The following FHL5 variants were observed in gnomAD, a reference collection of about 807,000 sequenced individuals.
FHL5 encodes the protein four and a half LIM domains 5, also known as four and a half LIM domains protein 5.
Under a neutral mutation model 32.0 loss-of-function variants are expected in FHL5, and 33 were observed. That is an observed-to-expected ratio of 1.03 (90% CI 0.78 to 1.38). The LOEUF is 1.38. Ranked by LOEUF, FHL5 falls within the 40% of genes most tolerant of loss-of-function variation. The pLI is 0.00. For synonymous variants in FHL5, 114 were observed against 113.6 expected, an observed-to-expected ratio of 1.00 and a Z score of -0.02; for missense variants, 336 against 343.9, an observed-to-expected ratio of 0.98 and a Z score of 0.18.
chr6:96,574,675 C>T (rs1373189978), intron 1 of FHL5, among the ~76,000 whole-genome samples: 3 of 152,048 alleles, frequency 2.0e-5, no homozygotes, highest in African/African-American at 7.2e-5. Context: ...TGAACATATG[C>T]ATTCATATAT....
At chr6:96,612,443 A>T (rs9386666) in intron 5 of FHL5, among the ~76,000 whole-genome samples, 17,401 of 152,226 alleles carry the variant, frequency 0.11, 1,046 homozygotes, top group East Asian at 0.26. Context: ...GGAGATCCAG[A>T]TGGCTAATAC....
chr6:96,577,669 TA>T (rs1770611002), intron 1 of FHL5, among the ~76,000 whole-genome samples: 1 of 152,210 alleles, frequency 6.6e-6, no homozygotes, highest in African/African-American at 2.4e-5. Context: ...AGCTTGGTTT[TA>T]GGCATGGAAT....
intron 5 of FHL5, among the ~76,000 whole-genome samples, chr6:96,610,986 A>G (rs1771395034): frequency 6.6e-6 from 1 of 152,260 alleles, no homozygotes; most frequent in African/African-American, 2.4e-5. Context: ...AGGTAACTAC[A>G]TACTAAACCT....
intron 1 of FHL5, among the ~76,000 whole-genome samples, chr6:96,585,370 C>T (rs113946413): frequency 1.3e-5 from 2 of 152,244 alleles, no homozygotes; most frequent in African/African-American, 4.8e-5. Context: ...ATGCGGCAAT[C>T]CCAGCTGAGC....
At chr6:96,613,404 A>G (rs759670476) in intron 5 of FHL5, among the ~76,000 whole-genome samples, 1 of 152,242 alleles carries the variant, frequency 6.6e-6, no homozygotes, top group Non-Finnish European at 1.5e-5. Flanking sequence ...TTAAACTATC[A>G]GGGATAAATG....
At chr6:96,605,383 G>T (rs1771252854) in intron 3 of FHL5, among the ~76,000 whole-genome samples, 1 of 152,116 alleles carries the variant, frequency 6.6e-6, no homozygotes, top group African/African-American at 2.4e-5. Flanking sequence ...TCCACTTTTG[G>T]CAAGGACTAA....
At chr6:96,569,435 C>T (rs1407216928) in intron 1 of FHL5, among the ~76,000 whole-genome samples, 1 of 151,952 alleles carries the variant, frequency 6.6e-6, no homozygotes, top group African/African-American at 2.4e-5. Flanking sequence ...CTGTAAATGT[C>T]TGGTAGGTTC....
At chr6:96,615,060 G>T (rs75894586) in intron 5 of FHL5, among the ~76,000 whole-genome samples, 2,558 of 152,200 alleles carry the variant, frequency 0.017, 40 homozygotes, top group Middle Eastern at 0.031. Flanking sequence ...GTCCCAAACC[G>T]TATAACCCCA....
intron 5 of FHL5, among the ~76,000 whole-genome samples, chr6:96,613,293 C>A (rs111274063): frequency 9.9e-5 from 15 of 152,060 alleles, no homozygotes; most frequent in East Asian, 3.9e-4. Flanking sequence ...CATAAATCAC[C>A]AAGTGTAATT....
At chr6:96,565,080 C>T (rs1770327657) in intron 1 of FHL5, among the ~76,000 whole-genome samples, 2 of 150,684 alleles carry the variant, frequency 1.3e-5, no homozygotes, top group Admixed American at 6.6e-5. Flanking sequence ...TATAGGGAGA[C>T]TCTATTTAAA....
At chr6:96,606,176 A>G in intron 4 of FHL5, 105 bp downstream of exon 4, 1 of 921,506 alleles carries the variant, frequency 1.1e-6, no homozygotes, top group South Asian at 1.8e-5. Flanking sequence ...ATCTGTAATC[A>G]ACACACCCAT....
rs912104481 is a variant in FHL5 at position 96,618,454 on chromosome 6, G to A, written c.*2682G>A. 5.3e-5 allele frequency among the ~76,000 whole-genome samples: 8 copies of A among 152,186 alleles called. No homozygotes were observed. Among genetic ancestry groups the A allele is most frequent in the East Asian group, 3.9e-4 (2 of 5,192 alleles). On this transcript the variant is annotated 3_prime_UTR_variant, in exon 6 of 6. Transcript: ENST00000450218. ...TCTTAGGATAAAAAGTGACATAACC[G>A]GCCATAGAAAGTTACCAACTGTTCA...
intron 1 of FHL5, among the ~76,000 whole-genome samples, chr6:96,602,648 A>G (rs764167513): frequency 1.3e-4 from 19 of 151,706 alleles, no homozygotes; most frequent in Non-Finnish European, 1.3e-4. Context: ...GTCCTTATCT[A>G]TCACTGGCTT....
chr6:96,603,296 C>A (rs1184107562), intron 1 of FHL5, among the ~76,000 whole-genome samples: 1 of 152,074 alleles, frequency 6.6e-6, no homozygotes, highest in Non-Finnish European at 1.5e-5. Flanking sequence ...CAACAGATAC[C>A]ATATTCTCAT....
intron 1 of FHL5, among the ~76,000 whole-genome samples, chr6:96,578,986 A>G (rs1582461367): frequency 6.6e-6 from 1 of 152,188 alleles, no homozygotes; most frequent in East Asian, 1.9e-4. Context: ...TGGCTGTATT[A>G]GTACTTTCTT....
chr6:96,606,024 C>A lies in FHL5; in HGVS notation c.457C>A (p.Pro153Thr). ...ISKESGNYCVPCFEKEFAHYC... is the reference protein window; with the variant it reads ...ISKESGNYCVTCFEKEFAHYC... ...CAAAGAGAGTGGCAATTATTGTGTG[C>A]CATGTTTTGAGAAGGAGTTTGCTCA... The change falls in exon 4 of 6, where the codon CCA becomes ACA. Residue 153 changes from proline to threonine, a missense_variant. Transcript: ENST00000450218. The A allele has an allele frequency of 6.2e-7, 1 of 1,613,886 alleles. No individual in the cohort carries two copies. Among genetic ancestry groups the A allele is most frequent in the Non-Finnish European group, 8.5e-7 (1 of 1,179,908 alleles).
intron 5 of FHL5, among the ~76,000 whole-genome samples, chr6:96,612,245 T>A (rs561168240): frequency 2.6e-5 from 4 of 152,180 alleles, no homozygotes; most frequent in Non-Finnish European, 5.9e-5. Flanking sequence ...TCCACTGATT[T>A]TAGTTAGAAA....
Position 96,603,690 on chromosome 6 carries a change from G to A in FHL5, c.77G>A (p.Ser26Asn). The A allele has an allele frequency of 6.2e-7, 1 of 1,612,048 alleles. No individual in the cohort carries two copies. The highest frequency in any genetic ancestry group is 8.5e-7 in the Non-Finnish European group (1 of 1,178,572). ...LGKKYVLKDDSPYCVTCYDRV... is the reference protein window; with the variant it reads ...LGKKYVLKDDNPYCVTCYDRV... ...AAGAAATATGTACTAAAGGATGACAGTCCATACTGTGTTACATGTTATGAT... is the reference window on the plus strand; with the variant it reads ...AAGAAATATGTACTAAAGGATGACAATCCATACTGTGTTACATGTTATGAT... The change falls in exon 2 of 6, where the codon AGT (serine) becomes AAT (asparagine). Residue 26 changes from serine to asparagine, a missense_variant. By Grantham distance (46) the Ser-to-Asn change is conservative. Transcript: ENST00000450218.
intron 1 of FHL5, among the ~76,000 whole-genome samples, chr6:96,592,511 C>A (rs1459461253): frequency 6.6e-6 from 1 of 152,076 alleles, no homozygotes; most frequent in Non-Finnish European, 1.5e-5. Flanking sequence ...TTAATGCAAT[C>A]ATCACAGGGT....
Sources: gnomAD v4.1 joint callset for allele counts (sites outside exome capture counted in the v4.1 genomes callset) on GRCh38, gnomAD v4.1.1 for gene constraint, MANE v1.5 for transcripts, NCBI Gene and HGNC (gene_info 2026-07-23, HGNC 2026-07-21) for gene names.